MYO1D: variants seen among roughly 807,000 people sequenced by gnomAD.
MYO1D encodes the protein myosin ID, also known as unconventional myosin-Id.
MYO1D carries 83 observed loss-of-function variants against 122.0 expected under a neutral mutation model. That is an observed-to-expected ratio of 0.68 (90% CI 0.57 to 0.82). The LOEUF (loss-of-function observed/expected upper bound fraction) is 0.82. MYO1D is among the 40% of genes least tolerant of loss of function. The probability of loss-of-function intolerance (pLI) is 0.00; values close to 1 mark genes in which losing one functional copy is unlikely to be tolerated. For missense variants in MYO1D, 1,157 were observed against 1,269.5 expected (o/e 0.91, Z 1.35); for synonymous variants, 464 against 446.9 (o/e 1.04, Z -0.48).
intron 16 of MYO1D, among the ~76,000 whole-genome samples, chr17:32,659,752 C>T (rs2088533667): frequency 6.6e-6 from 1 of 152,194 alleles, no homozygotes; most frequent in Non-Finnish European, 1.5e-5. Flanking sequence ...ATAGATTATA[C>T]ATGCTGGCCA....
intron 20 of MYO1D, among the ~76,000 whole-genome samples, chr17:32,611,486 C>A (rs2087701653): frequency 6.6e-6 from 1 of 152,024 alleles, no homozygotes; most frequent in African/African-American, 2.4e-5. Context: ...AGTACCTAGG[C>A]ATACAAAAAT....
chr17:32,850,602 T>C (rs1262638772), intron 1 of MYO1D, among the ~76,000 whole-genome samples: 6 of 152,234 alleles, frequency 3.9e-5, no homozygotes, highest in Non-Finnish European at 8.8e-5. Flanking sequence ...GATTAAACAC[T>C]GCTCCACTTT....
At chr17:32,581,573 C>T (rs565622494) in intron 21 of MYO1D, among the ~76,000 whole-genome samples, 5 of 151,194 alleles carry the variant, frequency 3.3e-5, no homozygotes, top group East Asian at 3.9e-4. Context: ...ATGCCCCTCT[C>T]GCTCTCTTTT....
intron 20 of MYO1D, among the ~76,000 whole-genome samples, chr17:32,618,138 A>G (rs2087801171): frequency 6.6e-6 from 1 of 152,208 alleles, no homozygotes; most frequent in South Asian, 2.1e-4. Flanking sequence ...TTTTAATGGT[A>G]AAACAAAACC....
chr17:32,521,021 A>G (rs949759836), intron 21 of MYO1D, among the ~76,000 whole-genome samples: 3 of 152,250 alleles, frequency 2.0e-5, no homozygotes, highest in Non-Finnish European at 4.4e-5. Flanking sequence ...AAATCTAGAG[A>G]TAACACACAA....
intron 20 of MYO1D, chr17:32,632,584 TATACACAC>T (rs1180323390): frequency 1.9e-4 from 19 of 98,620 alleles, no homozygotes; most frequent in South Asian, 5.6e-4. Flanking sequence ...TATATATATA[TATACACAC>T]ACACACACAC....
At chr17:32,660,650 C>A (rs1402117745) in intron 16 of MYO1D, among the ~76,000 whole-genome samples, 3 of 152,010 alleles carry the variant, frequency 2.0e-5, no homozygotes, top group Admixed American at 2.0e-4. Flanking sequence ...GACACATGGG[C>A]AATTTGTGAT....
chr17:32,553,307 C>T (rs757527799), intron 21 of MYO1D, among the ~76,000 whole-genome samples: 1 of 152,132 alleles, frequency 6.6e-6, no homozygotes, highest in Non-Finnish European at 1.5e-5. Flanking sequence ...GAGAAATTCA[C>T]AACAGTGTTG....
chr17:32,665,847 C>T (rs2088628836), intron 16 of MYO1D, among the ~76,000 whole-genome samples: 1 of 152,150 alleles, frequency 6.6e-6, no homozygotes, highest in Non-Finnish European at 1.5e-5. Flanking sequence ...CTGTGGGGAA[C>T]CCCAGAATGT....
intron 19 of MYO1D, among the ~76,000 whole-genome samples, chr17:32,645,009 G>A (rs573822893): frequency 7.5e-4 from 114 of 152,246 alleles, no homozygotes; most frequent in African/African-American, 1.9e-3. Context: ...TCCTAGCATC[G>A]ATGGCTTTTA....
intron 13 of MYO1D, among the ~76,000 whole-genome samples, chr17:32,742,789 T>C (rs2089787477): frequency 6.6e-6 from 1 of 152,244 alleles, no homozygotes; most frequent in Non-Finnish European, 1.5e-5. Flanking sequence ...TCTTGGTGGC[T>C]TCAACATCCA....
chr17:32,701,297 C>T (rs1292166782), intron 16 of MYO1D, among the ~76,000 whole-genome samples: 1 of 151,972 alleles, frequency 6.6e-6, no homozygotes, highest in African/African-American at 2.4e-5. Flanking sequence ...CAACAAATAC[C>T]CCCTTCCAGA....
intron 16 of MYO1D, among the ~76,000 whole-genome samples, chr17:32,699,705 A>T (rs906350605): frequency 2.6e-4 from 39 of 152,230 alleles, no homozygotes; most frequent in African/African-American, 9.2e-4. Context: ...ACATACATAA[A>T]AGCATGAGGT....
chr17:32,524,900 G>C (rs1265251097), intron 21 of MYO1D, among the ~76,000 whole-genome samples: 1 of 152,028 alleles, frequency 6.6e-6, no homozygotes, highest in African/African-American at 2.4e-5. Flanking sequence ...ATAAGGTCTC[G>C]CTATGTTGCC....
intron 21 of MYO1D, among the ~76,000 whole-genome samples, chr17:32,601,107 AT>A (rs2087557453): frequency 6.6e-6 from 1 of 151,786 alleles, no homozygotes; most frequent in African/African-American, 2.4e-5. Context: ...TAACTTTTAA[AT>A]TTTTTTGTAG....
intron 20 of MYO1D, among the ~76,000 whole-genome samples, chr17:32,619,559 C>T (rs1327583766): frequency 6.6e-6 from 1 of 152,114 alleles, no homozygotes; most frequent in Non-Finnish European, 1.5e-5. Context: ...TACATTTGGT[C>T]TGGTTTGTGC....
At chr17:32,713,877 G>A (rs893916141) in intron 15 of MYO1D, among the ~76,000 whole-genome samples, 22 of 151,906 alleles carry the variant, frequency 1.4e-4, no homozygotes, top group African/African-American at 5.3e-4. Context: ...GCCCGCCTTG[G>A]CCTCTCAAAA....
At chr17:32,612,789 G>T (rs895119208) in intron 20 of MYO1D, among the ~76,000 whole-genome samples, 2 of 148,604 alleles carry the variant, frequency 1.3e-5, no homozygotes, top group African/African-American at 5.0e-5. Flanking sequence ...TTTTTTTAAA[G>T]ATGTGGTCTA....
intron 15 of MYO1D, 127 bp downstream of exon 15, chr17:32,720,896 T>G: frequency 1.0e-6 from 1 of 978,216 alleles, no homozygotes; most frequent in Non-Finnish European, 1.4e-6. Flanking sequence ...ATATTTGTAA[T>G]TTCCTCAGCT....
Sources: allele counts gnomAD v4.1 joint callset (sites outside exome capture counted in the v4.1 genomes callset), GRCh38; gene constraint gnomAD v4.1.1; transcripts MANE v1.5; gene names NCBI Gene and HGNC (gene_info 2026-07-23, HGNC 2026-07-21).